The following DRG1 variants were observed in gnomAD, a reference collection of about 807,000 sequenced individuals.
The protein encoded by DRG1 is developmentally regulated GTP binding protein 1, also known as developmentally-regulated GTP-binding protein 1.
A neutral mutation model predicts 38.8 loss-of-function variants in DRG1; 19 were observed. The observed-to-expected ratio is 0.49, with a 90% CI of 0.34 to 0.72. The LOEUF (loss-of-function observed/expected upper bound fraction) is 0.72, where lower values mean the gene tolerates loss of function less well. Ranked by LOEUF, DRG1 falls within the 30% of genes least tolerant of loss-of-function variation. The pLI, the probability that DRG1 is intolerant of heterozygous loss-of-function variation, is 0.01. For missense variants in DRG1, 299 were observed against 444.8 expected, an observed-to-expected ratio of 0.67 and a Z score of 2.95; for synonymous variants, 167 against 157.5, an observed-to-expected ratio of 1.06 and a Z score of -0.45.
At chr22:31,427,397 A>C (rs983116166) in intron 8 of DRG1, among the ~76,000 whole-genome samples, 3 of 152,130 alleles carry the variant, frequency 2.0e-5, no homozygotes, top group African/African-American at 7.2e-5. Flanking sequence ...CTGATGACAC[A>C]AACAACCCTG....
chr22:31,404,326 G>A (rs1016574331), intron 3 of DRG1, among the ~76,000 whole-genome samples: 1 of 148,940 alleles, frequency 6.7e-6, no homozygotes, highest in African/African-American at 2.5e-5. Flanking sequence ...TGCAATCTCC[G>A]CCTCCTGGGA....
At chr22:31,401,296 A>T (rs916255064) in intron 2 of DRG1, among the ~76,000 whole-genome samples, 10 of 151,926 alleles carry the variant, frequency 6.6e-5, no homozygotes, top group Non-Finnish European at 1.5e-4. Context: ...CCAAAAAAAA[A>T]AAAAGGCTGG....
chr22:31,405,608 T>C (rs1375739995), intron 3 of DRG1, among the ~76,000 whole-genome samples: 1 of 152,042 alleles, frequency 6.6e-6, no homozygotes, highest in Non-Finnish European at 1.5e-5. Context: ...TTTTAGATTA[T>C]TCATGTAGAT....
At chr22:31,427,567 GA>G (rs367566004) in intron 8 of DRG1, among the ~76,000 whole-genome samples, 3 of 151,832 alleles carry the variant, frequency 2.0e-5, no homozygotes, top group African/African-American at 7.3e-5. Context: ...GACACAGGCT[GA>G]AAAAAAATTA....
At chr22:31,431,029 C>CGA (rs1025556843) in intron 8 of DRG1, among the ~76,000 whole-genome samples, 3 of 62,400 alleles carry the variant, frequency 4.8e-5, no homozygotes, top group African/African-American at 1.5e-4. Flanking sequence ...TCCCCCCCCC[C>CGA]CCCCGCTTTT....
chr22:31,407,056 A>C (rs2049993063), intron 3 of DRG1, among the ~76,000 whole-genome samples: 1 of 152,154 alleles, frequency 6.6e-6, no homozygotes, highest in Non-Finnish European at 1.5e-5. Flanking sequence ...TAGACTTATT[A>C]GGTATTTTTG....
In DRG1 at chr22:31,400,727, T is replaced by C; in HGVS notation, c.150T>C (p.Gly50=). The change falls in exon 2 of 9, where the codon GGT becomes GGC. Residue 50 remains glycine, a synonymous_variant. Coordinates refer to ENST00000331457, the MANE Select transcript of DRG1 (RefSeq NM_004147.4). ...RELITPKGGG[G]GGPGEGFDVA... ...TCATTACTCCAAAGGGTGGTGGTGG[T>C]GGAGGTCCAGGAGAAGGTTTGTGTT... 6.2e-7 allele frequency: 1 copy of C among 1,612,350 alleles called. No individual in the cohort carries two copies. The highest frequency in any genetic ancestry group is 8.5e-7 in the Non-Finnish European group (1 of 1,178,950).
At chr22:31,424,400 C>T (rs1489689701) in intron 6 of DRG1, among the ~76,000 whole-genome samples, 2 of 151,816 alleles carry the variant, frequency 1.3e-5, no homozygotes, top group Non-Finnish European at 2.9e-5. Flanking sequence ...ATCCGCCTGC[C>T]TTGGCCTGCC....
At chr22:31,411,546 T>C (rs1381892896) in intron 4 of DRG1, among the ~76,000 whole-genome samples, 1 of 151,034 alleles carries the variant, frequency 6.6e-6, no homozygotes, top group Non-Finnish European at 1.5e-5. Context: ...TTTTTTTTTT[T>C]TGGGACAGTG....
intron 6 of DRG1, among the ~76,000 whole-genome samples, chr22:31,424,811 C>CCAT (rs71202078): frequency 2.7e-5 from 1 of 36,664 alleles, no homozygotes; most frequent in Non-Finnish European, 4.3e-5. Context: ...CCCCCCCCCC[C>CCAT]TTTTTTTTTT....
In DRG1 at chr22:31,433,946, A is replaced by T. The variant is rs780770955; in HGVS notation, c.1079A>T (p.Asp360Val). 1.2e-6 allele frequency: 2 copies of T among 1,614,046 alleles called. No homozygotes were observed. Among genetic ancestry groups the T allele is most frequent in the Non-Finnish European group, 1.7e-6 (2 of 1,179,914 alleles). ...VGKDHTLEDE[D>V]VIQIVKK ...AAAGACCATACGTTGGAGGATGAGG[A>T]TGTCATTCAAATTGTGAAGAAGTGA... The change falls in exon 9 of 9, where the codon GAT becomes GTT. Residue 360 changes from aspartate (D) to valine (V), a missense_variant. Coordinates refer to ENST00000331457, the MANE Select transcript of DRG1 (RefSeq NM_004147.4).
chr22:31,412,380 T>A (rs1287193201), intron 4 of DRG1, among the ~76,000 whole-genome samples: 1 of 145,558 alleles, frequency 6.9e-6, no homozygotes, highest in East Asian at 2.0e-4. Context: ...AGATGGAGTC[T>A]CGCTCTGTCG....
rs2050159978 is a variant in DRG1 at position 31,434,287 on chromosome 22, G to A, written c.*316G>A. ...AAGGGATCCTTGGGAACTTCATCTT[G>A]AGTGTGAAATGGATAAAAATATGAC... is the stretch of plus-strand genomic sequence containing the variant. On this transcript the variant is annotated 3_prime_UTR_variant, in exon 9 of 9. Transcript: ENST00000331457. 1 of 261,928 alleles carries A rather than the reference G, an allele frequency of 3.8e-6. No individual in the cohort carries two copies. The highest frequency in any genetic ancestry group is 5.2e-5 in the South Asian group (1 of 19,050). 16.2% of individuals were successfully genotyped at this position (261,928 alleles called of 1,614,324 possible).
Position 31,403,325 on chromosome 22 carries a change from T to C in DRG1, c.342+121T>C, listed in dbSNP as rs1322533634. On this transcript the variant is annotated intron_variant, in intron 3 of 8. Coordinates refer to ENST00000331457, the MANE Select transcript of DRG1 (RefSeq NM_004147.4). The stretch of plus-strand genomic sequence containing the variant: ...GATCTACCAGGCACTTACTACCTGG[T>C]AGGGGAAATAGAGCAGTACGATAAT... 5 of 1,047,064 alleles carry C rather than the reference T, an allele frequency of 4.8e-6. No homozygotes were observed. In the East Asian group the frequency reaches 1.3e-4, roughly 28 times the overall value. The allele number at this position is 1,047,064 out of a possible 1,614,324, so 64.9% of individuals were successfully genotyped here. A position where few individuals can be genotyped will look rare whatever the true frequency, so the allele number is the denominator to read the frequency against.
chr22:31,422,656 A>G (rs910739359), intron 5 of DRG1, among the ~76,000 whole-genome samples: 1 of 152,214 alleles, frequency 6.6e-6, no homozygotes, highest in Non-Finnish European at 1.5e-5. Context: ...CATAGGTTTC[A>G]GCTGTCCTGC....
chr22:31,402,437 A>T (rs2049967616), intron 2 of DRG1, among the ~76,000 whole-genome samples: 2 of 151,936 alleles, frequency 1.3e-5, no homozygotes, highest in African/African-American at 4.8e-5. Context: ...GAGCAGGGCT[A>T]CACCATAGGT....
intron 3 of DRG1, among the ~76,000 whole-genome samples, chr22:31,408,113 G>A (rs555428092): frequency 1.7e-4 from 25 of 143,912 alleles, no homozygotes; most frequent in East Asian, 6.4e-4. Context: ...GTGATGGAGC[G>A]AGACTCCCCT....
chr22:31,409,791 C>T (rs138902141), intron 3 of DRG1, among the ~76,000 whole-genome samples: 6 of 151,990 alleles, frequency 3.9e-5, no homozygotes, highest in Non-Finnish European at 7.4e-5. Context: ...CTCAGGAGTT[C>T]GAGACCAGCC....
At chr22:31,402,012 C>G (rs1320549612) in intron 2 of DRG1, among the ~76,000 whole-genome samples, 5 of 151,976 alleles carry the variant, frequency 3.3e-5, no homozygotes, top group African/African-American at 1.2e-4. Flanking sequence ...GATCATGCCA[C>G]TGTACCCCAG....
Sources: gnomAD v4.1 joint callset for allele counts (sites outside exome capture counted in the v4.1 genomes callset) on GRCh38, gnomAD v4.1.1 for gene constraint, MANE v1.5 for transcripts, NCBI Gene and HGNC (gene_info 2026-07-23, HGNC 2026-07-21) for gene names.